The following ZHX2 variants were observed in gnomAD, a reference collection of about 807,000 sequenced individuals.
The protein encoded by ZHX2 is zinc fingers and homeoboxes 2, also known as zinc fingers and homeoboxes protein 2.
In ZHX2, 6 loss-of-function variants were observed where a neutral mutation model predicts 21.9. The observed-to-expected ratio is 0.27, with a 90% CI of 0.15 to 0.54. ZHX2 has a LOEUF of 0.54. ZHX2 is among the 20% of genes least tolerant of loss of function. The pLI is 0.95. For synonymous variants in ZHX2, 434 were observed against 437.1 expected (o/e 0.99, Z 0.09); for missense variants, 908 against 1,090.7 (o/e 0.83, Z 2.36).
intron 2 of ZHX2, among the ~76,000 whole-genome samples, chr8:122,911,916 AG>A (rs1820489801): frequency 2.0e-5 from 3 of 152,068 alleles, no homozygotes. Flanking sequence ...CACCTTTTAG[AG>A]GCGGGGAATG....
intron 1 of ZHX2, among the ~76,000 whole-genome samples, chr8:122,845,681 A>C (rs746804172): frequency 6.6e-6 from 1 of 152,268 alleles, no homozygotes; most frequent in Non-Finnish European, 1.5e-5. Context: ...TGCACTTTGC[A>C]GTCTACAAAG....
At chr8:122,798,919 TC>T in intron 1 of ZHX2, among the ~76,000 whole-genome samples, 1 of 152,304 alleles carries the variant, frequency 6.6e-6, no homozygotes, top group East Asian at 1.9e-4. Flanking sequence ...TGTTGAACAG[TC>T]AGCCAACCAC....
At chr8:122,825,802 C>G (rs895018899) in intron 1 of ZHX2, among the ~76,000 whole-genome samples, 1 of 152,192 alleles carries the variant, frequency 6.6e-6, no homozygotes, top group Non-Finnish European at 1.5e-5. Context: ...CTACAAAAAG[C>G]AGGACAATGT....
At chr8:122,968,179 C>T (rs1160634750) in intron 3 of ZHX2, among the ~76,000 whole-genome samples, 2 of 152,146 alleles carry the variant, frequency 1.3e-5, no homozygotes, top group African/African-American at 4.8e-5. Flanking sequence ...TCCATTTGCT[C>T]TGGTTCTATT....
chr8:122,971,627 A>AT (rs1402328863), intron 3 of ZHX2, among the ~76,000 whole-genome samples: 1 of 151,262 alleles, frequency 6.6e-6, no homozygotes, highest in Non-Finnish European at 1.5e-5. Flanking sequence ...AAAAAAAAAA[A>AT]AAAAATTCCT....
intron 2 of ZHX2, among the ~76,000 whole-genome samples, chr8:122,935,512 C>T (rs1403359041): frequency 6.6e-6 from 1 of 151,474 alleles, no homozygotes; most frequent in Non-Finnish European, 1.5e-5. Context: ...GACAGGCTTT[C>T]CCTGATTATA....
rs144099735 is a variant in ZHX2 at position 122,890,946 on chromosome 8, G to A, written c.-220+27407G>A. ...CTCCTTTCCCATATGCAAATCATAT[G>A]CTTGTATTTTGTTGAGAATTTTTGC... On this transcript the variant is annotated intron_variant, in intron 2 of 3. Coordinates refer to ENST00000314393, the MANE Select transcript of ZHX2 (RefSeq NM_014943.5). Among the ~76,000 whole-genome samples the A allele has an allele frequency of 3.5e-4, 53 of 152,124 alleles. 1 individual carries two copies. The East Asian group carries it at 9.8e-3, about 28-fold the overall frequency.
At chr8:122,783,075 C>T (rs1397966655) in intron 1 of ZHX2, among the ~76,000 whole-genome samples, 1 of 152,016 alleles carries the variant, frequency 6.6e-6, no homozygotes, top group African/African-American at 2.4e-5. Context: ...GAGGCGGCGG[C>T]GGAGGAGGGT....
At chr8:122,809,701 G>A (rs907827968) in intron 1 of ZHX2, among the ~76,000 whole-genome samples, 3 of 152,188 alleles carry the variant, frequency 2.0e-5, no homozygotes, top group Middle Eastern at 3.4e-3. Flanking sequence ...CACTTGTCAC[G>A]CGTGGGGCCT....
At chr8:122,843,240 G>C (rs1289486497) in intron 1 of ZHX2, among the ~76,000 whole-genome samples, 3 of 152,208 alleles carry the variant, frequency 2.0e-5, no homozygotes, top group East Asian at 3.8e-4. Flanking sequence ...TTATTTTACG[G>C]AGCTTGGTGA....
intron 1 of ZHX2, among the ~76,000 whole-genome samples, chr8:122,805,864 T>A (rs1817812627): frequency 6.6e-6 from 1 of 152,132 alleles, no homozygotes; most frequent in African/African-American, 2.4e-5. Context: ...GAACTGCTTG[T>A]AGGTCCTGGA....
upstream of ZHX2, chr8:122,781,331 G>A (rs960290529): frequency 6.6e-6 from 1 of 152,280 alleles, no homozygotes; most frequent in Non-Finnish European, 1.5e-5. The surrounding 1 kb of genome is among the most constrained non-coding windows in gnomAD (Gnocchi z 4.6). Flanking sequence ...ATTGCACGGA[G>A]ACGGTTTGGC....
chr8:122,856,212 A>T (rs1364099615), intron 1 of ZHX2, among the ~76,000 whole-genome samples: 3 of 152,228 alleles, frequency 2.0e-5, no homozygotes, highest in Non-Finnish European at 4.4e-5. Context: ...TGAGTCTGTC[A>T]GTCTCTAACC....
intron 2 of ZHX2, among the ~76,000 whole-genome samples, chr8:122,882,648 A>G (rs1358073579): frequency 1.3e-5 from 2 of 152,000 alleles, no homozygotes; most frequent in Non-Finnish European, 1.5e-5. Flanking sequence ...GCTGCTTGCA[A>G]TCTTTCCATC....
At chr8:122,905,732 A>T (rs919048004) in intron 2 of ZHX2, among the ~76,000 whole-genome samples, 12 of 152,352 alleles carry the variant, frequency 7.9e-5, no homozygotes, top group African/African-American at 2.6e-4. Context: ...TGGCTTAGGG[A>T]TGTAATGAGA....
intron 1 of ZHX2, among the ~76,000 whole-genome samples, chr8:122,843,385 T>C (rs1818681040): frequency 6.6e-6 from 1 of 152,214 alleles, no homozygotes; most frequent in African/African-American, 2.4e-5. Context: ...ATCCGAGCCA[T>C]GAGTGGCTCT....
intron 1 of ZHX2, among the ~76,000 whole-genome samples, chr8:122,792,731 A>G (rs955728524): frequency 2.0e-5 from 3 of 152,160 alleles, no homozygotes; most frequent in African/African-American, 7.2e-5. Flanking sequence ...ACACACACAC[A>G]TGCCTGGTCA....
In ZHX2 at chr8:122,877,719, A is replaced by T. The variant is rs182859752; in HGVS notation, c.-220+14180A>T. Among the ~76,000 whole-genome samples the T allele has an allele frequency of 1.7e-3, 265 of 152,274 alleles. 1 individual carries two copies. The highest frequency in any genetic ancestry group is 6.1e-3 in the African/African-American group (254 of 41,560). ...GTGGCTGCAGGTGACTTGAAGGCTG[A>T]TGCATTTTCATGGACTGAGAGGATG... On this transcript the variant is annotated intron_variant, in intron 2 of 3. Transcript: ENST00000314393.
intron 2 of ZHX2, among the ~76,000 whole-genome samples, chr8:122,929,520 G>A (rs1248497172): frequency 6.6e-6 from 1 of 152,000 alleles, no homozygotes; most frequent in Non-Finnish European, 1.5e-5. Flanking sequence ...GTGCACACCT[G>A]TAATGCCAGC....
Sources: gnomAD v4.1 joint callset for allele counts (sites outside exome capture counted in the v4.1 genomes callset) on GRCh38, gnomAD v4.1.1 for gene constraint, Gnocchi (gnomAD v3.1) non-coding constraint, MANE v1.5 for transcripts, NCBI Gene and HGNC (gene_info 2026-07-23, HGNC 2026-07-21) for gene names.